COL19A1: variants seen among roughly 807,000 people sequenced by gnomAD.
COL19A1 encodes the protein collagen type XIX alpha 1 chain.
A neutral mutation model predicts 190.2 loss-of-function variants in COL19A1; 159 were observed. The ratio of observed to expected loss-of-function variants is 0.84; its 90% CI spans 0.73 to 0.95. COL19A1 has a LOEUF of 0.95. COL19A1 is among the 40% of genes least tolerant of loss of function. The pLI is 0.00. For missense variants in COL19A1, 1,418 were observed against 1,431.9 expected (o/e 0.99, Z 0.16); for synonymous variants, 509 against 458.9 (o/e 1.11, Z -1.39).
chr6:70,061,078 C>T (rs191982202), intron 14 of COL19A1, among the ~76,000 whole-genome samples: 4 of 152,140 alleles, frequency 2.6e-5, no homozygotes, highest in African/African-American at 9.6e-5. Flanking sequence ...AATAAGTGAT[C>T]GATAAATCCA....
intron 46 of COL19A1, among the ~76,000 whole-genome samples, chr6:70,186,031 C>CA (rs1374169020): frequency 2.6e-5 from 4 of 151,922 alleles, no homozygotes; most frequent in African/African-American, 7.3e-5. Context: ...TATACTTTTC[C>CA]AAAAAGGAGC....
chr6:70,095,094 C>T (rs1236698449), intron 15 of COL19A1, among the ~76,000 whole-genome samples: 1 of 152,080 alleles, frequency 6.6e-6, no homozygotes, highest in Non-Finnish European at 1.5e-5. Context: ...ATGGGTAACC[C>T]GTTATAACTT....
At chr6:70,103,405 G>A (rs756239632) in intron 16 of COL19A1, among the ~76,000 whole-genome samples, 3 of 152,090 alleles carry the variant, frequency 2.0e-5, no homozygotes, top group African/African-American at 7.2e-5. Flanking sequence ...ACAGCATCTA[G>A]GTGGGCTTGG....
intron 16 of COL19A1, among the ~76,000 whole-genome samples, chr6:70,119,942 T>C (rs1005965913): frequency 3.9e-5 from 6 of 152,008 alleles, no homozygotes; most frequent in Admixed American, 3.3e-4. Context: ...AATACAAAAA[T>C]TAGCCAGGCA....
At chr6:70,203,522 G>C (rs1429107969) in intron 49 of COL19A1, among the ~76,000 whole-genome samples, 2 of 152,066 alleles carry the variant, frequency 1.3e-5, no homozygotes, top group Non-Finnish European at 2.9e-5. Flanking sequence ...GTAGAACCAG[G>C]GAGGCTAAAC....
intron 48 of COL19A1, among the ~76,000 whole-genome samples, chr6:70,192,577 G>C (rs1753251): frequency 0.18 from 24,958 of 137,286 alleles, 3,438 homozygotes; most frequent in African/African-American, 0.41. Context: ...TCATTTCCCC[G>C]TCAGGAAGTT....
At chr6:69,931,466 G>A (rs149874086) in intron 6 of COL19A1, among the ~76,000 whole-genome samples, 1 of 152,084 alleles carries the variant, frequency 6.6e-6, no homozygotes, top group African/African-American at 2.4e-5. Context: ...TCATAAGCAG[G>A]ACCTGGTACA....
intron 25 of COL19A1, 95 bp from the exon 26 acceptor site, chr6:70,146,564 A>T: frequency 1.2e-6 from 1 of 850,174 alleles, no homozygotes; most frequent in South Asian, 2.6e-5. Context: ...TATTCAAGCA[A>T]GATGAAGAGT....
chr6:70,114,052 T>C (rs1784425224), intron 16 of COL19A1, among the ~76,000 whole-genome samples: 1 of 151,970 alleles, frequency 6.6e-6, no homozygotes, highest in South Asian at 2.1e-4. Flanking sequence ...AGTTTCACCA[T>C]GTTGCCCAAG....
At chr6:70,007,841 A>G (rs894930538) in intron 11 of COL19A1, among the ~76,000 whole-genome samples, 1 of 152,014 alleles carries the variant, frequency 6.6e-6, no homozygotes, top group Non-Finnish European at 1.5e-5. Context: ...ATGAATCACA[A>G]TACATTTTAA....
intron 33 of COL19A1, 84 bp from the exon 34 acceptor site, chr6:70,156,586 A>G: frequency 7.0e-7 from 1 of 1,435,388 alleles, no homozygotes. Flanking sequence ...TACATGCCCC[A>G]AGTGTTCTTA....
At chr6:69,941,268 C>T (rs1380187098) in intron 9 of COL19A1, among the ~76,000 whole-genome samples, 1 of 152,116 alleles carries the variant, frequency 6.6e-6, no homozygotes, top group Non-Finnish European at 1.5e-5. Flanking sequence ...CTTAATAATA[C>T]CTAGCCAGTG....
At chr6:69,959,384 CAT>C (rs200616767) in intron 9 of COL19A1, among the ~76,000 whole-genome samples, 1 of 151,860 alleles carries the variant, frequency 6.6e-6, no homozygotes, top group African/African-American at 2.4e-5. Context: ...CACACACACA[CAT>C]ATATATAATA....
At chr6:69,978,398 T>A (rs1775848044) in intron 11 of COL19A1, among the ~76,000 whole-genome samples, 2 of 152,026 alleles carry the variant, frequency 1.3e-5, no homozygotes, top group Admixed American at 1.3e-4. Context: ...AATAAAAAAC[T>A]CACCTTAAGT....
chr6:70,098,294 T>C, intron 15 of COL19A1: 1 of 365,012 alleles, frequency 2.7e-6, no homozygotes, highest in Admixed American at 2.7e-5. Flanking sequence ...CAAAGTATCC[T>C]AGCTTAAGGA....
At chr6:69,922,904 G>T (rs1181474129) in intron 4 of COL19A1, among the ~76,000 whole-genome samples, 1 of 152,134 alleles carries the variant, frequency 6.6e-6, no homozygotes, top group Non-Finnish European at 1.5e-5. Context: ...ACTGCACTTA[G>T]GCTTTGTGAG....
At chr6:70,204,196 C>A (rs1297280526) in intron 49 of COL19A1, among the ~76,000 whole-genome samples, 1 of 152,260 alleles carries the variant, frequency 6.6e-6, no homozygotes, top group South Asian at 2.1e-4. Flanking sequence ...AAATACATGT[C>A]TCTTTGCAGA....
At chr6:69,866,827 C>T (rs1188699672) in intron 1 of COL19A1, among the ~76,000 whole-genome samples, 187 bp downstream of exon 1, 2 of 152,176 alleles carry the variant, frequency 1.3e-5, no homozygotes, top group Admixed American at 6.5e-5. Flanking sequence ...TCCATAGGGG[C>T]CTTAAGGATG....
chr6:70,155,106 T>C (rs2150251052), intron 31 of COL19A1, among the ~76,000 whole-genome samples: 1 of 152,276 alleles, frequency 6.6e-6, no homozygotes, highest in East Asian at 1.9e-4. Context: ...TCGTGCAAAA[T>C]TAGTGTTCCA....
Sources: allele counts gnomAD v4.1 joint callset (sites outside exome capture counted in the v4.1 genomes callset), GRCh38; gene constraint gnomAD v4.1.1; transcripts MANE v1.5; gene names NCBI Gene and HGNC (gene_info 2026-07-23, HGNC 2026-07-21).